Variants in ZFR observed in about 807,000 individuals in gnomAD.
ZFR encodes zinc finger RNA binding protein.
A neutral mutation model predicts 130.7 loss-of-function variants in ZFR; 19 were observed. The ratio of observed to expected loss-of-function variants is 0.15; its 90% CI spans 0.10 to 0.21. The LOEUF is 0.21. ZFR is among the 10% of genes least tolerant of loss of function. ZFR has a pLI of 1.00. For missense variants in ZFR, 872 were observed against 1,321.5 expected (o/e 0.66, Z 5.27); for synonymous variants, 466 against 456.9 (o/e 1.02, Z -0.25).
At position 32,354,632 on chromosome 5, in the gene ZFR, T is replaced by C. The variant is rs1752267314; in HGVS notation, c.*1128A>G. ...CCAAATAATTTTCTGTTTTTTTCCT[T>C]AGATAATTTTTTATCAGTAATACTT... On this transcript the variant is annotated 3_prime_UTR_variant, in exon 20 of 20. Transcript: ENST00000265069. 6.6e-6 allele frequency: 1 copy of C among 152,644 alleles called. No homozygotes were observed. The highest frequency in any genetic ancestry group is 1.5e-5 in the Non-Finnish European group (1 of 68,032). The allele number at this position is 152,644 out of a possible 1,614,324, so 9.5% of individuals were successfully genotyped here. A position where few individuals can be genotyped will look rare whatever the true frequency, so the allele number is the denominator to read the frequency against.
intron 8 of ZFR, among the ~76,000 whole-genome samples, chr5:32,401,383 C>A (rs556988468): frequency 6.6e-6 from 1 of 152,244 alleles, no homozygotes; most frequent in African/African-American, 2.4e-5. Context: ...GAAGGAGCCA[C>A]CACCCTTTAA....
chr5:32,399,942 T>C, intron 9 of ZFR, 65 bp downstream of exon 9: 2 of 1,367,258 alleles, frequency 1.5e-6, no homozygotes, highest in Non-Finnish European at 9.9e-7. Flanking sequence ...ACACGTAACA[T>C]ATGCTCGTAA....
At chr5:32,388,409 G>GT in intron 13 of ZFR, 60 bp downstream of exon 13, 1 of 1,488,724 alleles carries the variant, frequency 6.7e-7, no homozygotes, top group Non-Finnish European at 9.3e-7. Context: ...TATTTCAAAT[G>GT]TAAGAAGTCC....
chr5:32,421,729 CA>C (rs1304344597), intron 2 of ZFR, among the ~76,000 whole-genome samples: 1 of 151,720 alleles, frequency 6.6e-6, no homozygotes, highest in African/African-American at 2.4e-5. Context: ...AAACAAAAAA[CA>C]AAAAAAACTT....
rs1326041688 is a variant in ZFR at position 32,415,515 on chromosome 5, T to TGTGTGC, written c.566-329_566-328insGCACAC. ...GTGTGTGTGTGTGTGTGTGTGTGTG[T>TGTGTGC]GCGCGCGCGCGCGCGCGCACTAGTC... On this transcript the variant is annotated intron_variant, in intron 4 of 19. Transcript: ENST00000265069. Among the ~76,000 whole-genome samples, 91 of 97,988 alleles carry TGTGTGC rather than the reference T, an allele frequency of 9.3e-4. 1 individual carries two copies. The highest frequency in any genetic ancestry group is 4.2e-3 in the South Asian group (14 of 3,370). The allele number at this position is 97,988 out of a possible 152,430, so 64.3% of individuals were successfully genotyped here.
chr5:32,419,752 GCATTACATTATA>G, intron 3 of ZFR, 57 bp downstream of exon 3: 3 of 1,507,494 alleles, frequency 2.0e-6, no homozygotes, highest in Non-Finnish European at 1.8e-6. Flanking sequence ...AATGGCTAGG[GCATTACATTATA>G]CACTGAAGAC....
chr5:32,390,002 T>G (rs1231271432), intron 12 of ZFR, among the ~76,000 whole-genome samples: 1 of 152,102 alleles, frequency 6.6e-6, no homozygotes, highest in Non-Finnish European at 1.5e-5. Flanking sequence ...AATACAAAAA[T>G]TAGCCAAGTG....
At position 32,415,515 on chromosome 5, in the gene ZFR, T is replaced by TGTGTGTGTGTGCGCGCGC. The variant is rs1326041688; in HGVS notation, c.566-329_566-328insGCGCGCGCACACACACAC. ...GTGTGTGTGTGTGTGTGTGTGTGTG[T>TGTGTGTGTGTGCGCGCGC]GCGCGCGCGCGCGCGCGCACTAGTC... is the stretch of plus-strand genomic sequence containing the variant. On this transcript the variant is annotated intron_variant, in intron 4 of 19. Transcript: ENST00000265069. 7.1e-5 allele frequency among the ~76,000 whole-genome samples: 7 copies of TGTGTGTGTGTGCGCGCGC among 97,992 alleles called. No homozygotes were observed. In the East Asian group the frequency reaches 1.3e-3, roughly 19 times the overall value. 64.3% of individuals were successfully genotyped at this position (97,992 alleles called of 152,430 possible).
At chr5:32,367,447 ATAAATAAATAAATAAAG>A (rs1318414587) in intron 17 of ZFR, among the ~76,000 whole-genome samples, 1 of 97,880 alleles carries the variant, frequency 1.0e-5, no homozygotes, top group Non-Finnish European at 2.0e-5. Context: ...AAAATAATAA[ATAAATAAATAAATAAAG>A]TAAATAAATA....
Position 32,364,345 on chromosome 5 carries a change from T to TA in ZFR, c.2836-71dup. On this transcript the variant is annotated intron_variant, in intron 17 of 19. Transcript: ENST00000265069. ...ATTACTCATTTTCAAACTAAAATTTTAAAGACTGAAAAAATTTTAAAGACT... is the reference window on the plus strand; with the variant it reads ...ATTACTCATTTTCAAACTAAAATTTTAAAAGACTGAAAAAATTTTAAAGACT... 3.1e-6 allele frequency: 4 copies of TA among 1,305,662 alleles called. No homozygotes were observed. In the East Asian group the frequency reaches 9.6e-5, roughly 31 times the overall value. The allele number at this position is 1,305,662 out of a possible 1,614,324, so 80.9% of individuals were successfully genotyped here.
intron 8 of ZFR, among the ~76,000 whole-genome samples, chr5:32,402,470 A>G (rs1292413861): frequency 2.6e-5 from 4 of 152,160 alleles, no homozygotes; most frequent in Non-Finnish European, 5.9e-5. Context: ...GTACAGACGT[A>G]GAGAAAAAAT....
chr5:32,388,200 CTATA>C (rs994335266), intron 13 of ZFR, among the ~76,000 whole-genome samples: 11 of 152,112 alleles, frequency 7.2e-5, no homozygotes, highest in African/African-American at 2.7e-4. Flanking sequence ...AACTGTAAAA[CTATA>C]ATGGCTGCTT....
intron 2 of ZFR, among the ~76,000 whole-genome samples, chr5:32,427,108 C>T (rs1260981455): frequency 6.6e-6 from 1 of 151,924 alleles, no homozygotes; most frequent in Non-Finnish European, 1.5e-5. Context: ...ATTCCACTTA[C>T]AATAGCGTCA....
chr5:32,367,652 G>C (rs1269724743), intron 17 of ZFR, among the ~76,000 whole-genome samples: 2 of 151,988 alleles, frequency 1.3e-5, no homozygotes, highest in Admixed American at 1.3e-4. Context: ...GGGCTCAAGT[G>C]ATCTTTCCAT....
At chr5:32,376,734 C>T (rs904864666) in intron 17 of ZFR, among the ~76,000 whole-genome samples, 4 of 152,154 alleles carry the variant, frequency 2.6e-5, no homozygotes, top group African/African-American at 9.7e-5. Context: ...GGCCTATAAT[C>T]CCAGCAGTTT....
intron 2 of ZFR, 39 bp from the exon 3 acceptor site, chr5:32,420,142 T>A (rs1430434822): frequency 7.0e-7 from 1 of 1,431,320 alleles, no homozygotes; most frequent in South Asian, 1.6e-5. Context: ...AATACAATTT[T>A]AATATCCAGG....
intron 5 of ZFR, among the ~76,000 whole-genome samples, chr5:32,410,382 G>C (rs1405782875): frequency 6.6e-6 from 1 of 151,550 alleles, no homozygotes; most frequent in Non-Finnish European, 1.5e-5. Context: ...GCGGAGGTGG[G>C]CAGATTGCTT....
intron 17 of ZFR, among the ~76,000 whole-genome samples, chr5:32,371,551 A>C (rs946951218): frequency 6.6e-6 from 1 of 152,186 alleles, no homozygotes; most frequent in African/African-American, 2.4e-5. Flanking sequence ...AATCCCAAAA[A>C]CTTCACCAAT....
At chr5:32,412,433 A>C (rs199904024) in intron 5 of ZFR, among the ~76,000 whole-genome samples, 2 of 152,232 alleles carry the variant, frequency 1.3e-5, no homozygotes, top group African/African-American at 4.8e-5. Context: ...ACTGTTCTAC[A>C]TTAAAGCAAA....
Sources: allele counts gnomAD v4.1 joint callset (sites outside exome capture counted in the v4.1 genomes callset), GRCh38; gene constraint gnomAD v4.1.1; transcripts MANE v1.5; gene names NCBI Gene and HGNC (gene_info 2026-07-23, HGNC 2026-07-21).